Variants in LYPD6B observed in about 807,000 individuals in gnomAD.
LYPD6B encodes ly6/PLAUR domain-containing protein 6B.
In LYPD6B, 17 loss-of-function variants were observed where a neutral mutation model predicts 22.8. The observed-to-expected ratio is 0.75, with a 90% CI of 0.51 to 1.12. LYPD6B has a LOEUF of 1.12. LYPD6B is among the 50% of genes most tolerant of loss of function. The pLI, the probability that LYPD6B is intolerant of heterozygous loss-of-function variation, is 0.00. For missense variants in LYPD6B, 221 were observed against 258.3 expected (o/e 0.86, Z 0.99); for synonymous variants, 106 against 91.6 (o/e 1.16, Z -0.90).
At chr2:149,204,408 A>G (rs1267483398) in intron 3 of LYPD6B, 6 of 154,374 alleles carry the variant, frequency 3.9e-5, no homozygotes, top group Non-Finnish European at 5.9e-5. Flanking sequence ...TCTTGCTACC[A>G]GTTCTGCCTC....
chr2:149,053,277 A>G (rs1044508844), intron 1 of LYPD6B, among the ~76,000 whole-genome samples: 5 of 152,250 alleles, frequency 3.3e-5, no homozygotes, highest in African/African-American at 9.6e-5. Context: ...ACAGTATATC[A>G]TAAACATAAT....
chr2:149,083,984 C>T (rs901883420), intron 1 of LYPD6B, among the ~76,000 whole-genome samples: 1 of 151,420 alleles, frequency 6.6e-6, no homozygotes, highest in Non-Finnish European at 1.5e-5. Flanking sequence ...TAGTGGCATG[C>T]GCCTGTAGTC....
chr2:149,151,663 T>A (rs963784367), intron 2 of LYPD6B, among the ~76,000 whole-genome samples: 14 of 152,208 alleles, frequency 9.2e-5, no homozygotes, highest in Admixed American at 5.9e-4. Flanking sequence ...CTTCTGGGTG[T>A]GTTGTTAGCA....
At chr2:149,199,186 T>C (rs917831002) in intron 3 of LYPD6B, among the ~76,000 whole-genome samples, 1 of 152,170 alleles carries the variant, frequency 6.6e-6, no homozygotes, top group Non-Finnish European at 1.5e-5. Flanking sequence ...ACTTATGTAA[T>C]TGTGCTCAAT....
intron 3 of LYPD6B, among the ~76,000 whole-genome samples, chr2:149,196,501 A>G (rs1327018029): frequency 6.6e-6 from 1 of 152,268 alleles, no homozygotes; most frequent in East Asian, 1.9e-4. Flanking sequence ...GGTCAGCGAC[A>G]TGAAACCCTA....
At chr2:149,072,521 T>TATTTTATTTC (rs1553478977) in intron 1 of LYPD6B, among the ~76,000 whole-genome samples, 10,152 of 143,232 alleles carry the variant, frequency 0.071, 553 homozygotes, top group East Asian at 0.25. Flanking sequence ...TATTTTATTT[T>TATTTTATTTC]ATTTTATTTT....
intron 2 of LYPD6B, among the ~76,000 whole-genome samples, chr2:149,145,846 G>A (rs1688987029): frequency 6.6e-6 from 1 of 152,176 alleles, no homozygotes; most frequent in Non-Finnish European, 1.5e-5. Context: ...ATGCTTTAAG[G>A]AATCTGGGAA....
chr2:149,128,192 T>C (rs1687816448), intron 1 of LYPD6B, among the ~76,000 whole-genome samples: 1 of 152,152 alleles, frequency 6.6e-6, no homozygotes, highest in African/African-American at 2.4e-5. Flanking sequence ...CAAGCTTGAG[T>C]CTAATATTTC....
At chr2:149,155,668 G>A (rs1371732874) in intron 2 of LYPD6B, among the ~76,000 whole-genome samples, 1 of 152,190 alleles carries the variant, frequency 6.6e-6, no homozygotes, top group African/African-American at 2.4e-5. Context: ...TTCTACCACT[G>A]TCACTTGTGA....
intron 1 of LYPD6B, among the ~76,000 whole-genome samples, chr2:149,074,300 T>C (rs1684784800): frequency 6.6e-6 from 1 of 151,938 alleles, no homozygotes; most frequent in Non-Finnish European, 1.5e-5. Context: ...GCACATGTGC[T>C]CTCTCACTTA....
chr2:149,080,752 G>A (rs1159994505), intron 1 of LYPD6B, among the ~76,000 whole-genome samples: 3 of 142,334 alleles, frequency 2.1e-5, no homozygotes, highest in Non-Finnish European at 4.5e-5. Flanking sequence ...TGAGACAGGA[G>A]AATGGCTTGA....
At chr2:149,212,171 A>T (rs1388608178) in intron 5 of LYPD6B, among the ~76,000 whole-genome samples, 4 of 151,342 alleles carry the variant, frequency 2.6e-5, no homozygotes, top group African/African-American at 9.7e-5. Flanking sequence ...AGGTCAGGAG[A>T]TCGAGGTCAT....
chr2:149,105,688 A>G (rs1000515080), intron 1 of LYPD6B, among the ~76,000 whole-genome samples: 1 of 152,148 alleles, frequency 6.6e-6, no homozygotes, highest in Admixed American at 6.6e-5. Flanking sequence ...ATTTAGTAGT[A>G]CTAGTAGCTT....
intron 1 of LYPD6B, among the ~76,000 whole-genome samples, chr2:149,040,725 T>C (rs996344552): frequency 6.6e-6 from 1 of 152,202 alleles, no homozygotes; most frequent in African/African-American, 2.4e-5. Flanking sequence ...CATTTTACTA[T>C]CTCTGTCTTT....
intron 4 of LYPD6B, 92 bp downstream of exon 4, chr2:149,205,496 T>C (rs1293755658): frequency 1.5e-6 from 2 of 1,335,384 alleles, no homozygotes; most frequent in Non-Finnish European, 2.1e-6. Context: ...ACTTCGTCTT[T>C]CCCAGAACAT....
At chr2:149,155,489 G>A (rs958834629) in intron 2 of LYPD6B, among the ~76,000 whole-genome samples, 1 of 152,184 alleles carries the variant, frequency 6.6e-6, no homozygotes, top group African/African-American at 2.4e-5. Context: ...GCTGCCCCAG[G>A]GAGTGCTGCA....
At chr2:149,106,888 G>GA (rs1686499983) in intron 1 of LYPD6B, among the ~76,000 whole-genome samples, 1 of 151,792 alleles carries the variant, frequency 6.6e-6, no homozygotes. Flanking sequence ...ATTGATTTGA[G>GA]AACTTTTTTT....
At chr2:149,118,930 C>T (rs1687142502) in intron 1 of LYPD6B, among the ~76,000 whole-genome samples, 1 of 152,102 alleles carries the variant, frequency 6.6e-6, no homozygotes. Context: ...TGTGTATTAC[C>T]TGGAAGGATC....
chr2:149,105,655 C>T (rs756813084), intron 1 of LYPD6B, among the ~76,000 whole-genome samples: 1 of 152,098 alleles, frequency 6.6e-6, no homozygotes, highest in Non-Finnish European at 1.5e-5. Context: ...TATCTTACTG[C>T]ATCCTACAGA....
Sources: allele counts gnomAD v4.1 joint callset (sites outside exome capture counted in the v4.1 genomes callset), GRCh38; gene constraint gnomAD v4.1.1; transcripts MANE v1.5; gene names NCBI Gene and HGNC (gene_info 2026-07-23, HGNC 2026-07-21).